The following IFT46 variants were observed in gnomAD, a reference collection of about 807,000 sequenced individuals.
IFT46 encodes the protein intraflagellar transport protein 46 homolog.
A neutral mutation model predicts 39.6 loss-of-function variants in IFT46; 19 were observed. The observed-to-expected ratio is 0.48, with a 90% CI of 0.33 to 0.70. The LOEUF is 0.70. Among genes scored for constraint, IFT46 ranks in the 30% least tolerant of loss-of-function variants. The probability of loss-of-function intolerance (pLI) is 0.01; values close to 1 mark genes in which losing one functional copy is unlikely to be tolerated. For synonymous variants in IFT46, 117 were observed against 134.8 expected (o/e 0.87, Z 0.91); for missense variants, 334 against 364.8 (o/e 0.92, Z 0.69).
At chr11:118,550,796 A>AG (rs1292504657) in intron 9 of IFT46, among the ~76,000 whole-genome samples, 2 of 152,178 alleles carry the variant, frequency 1.3e-5, no homozygotes, top group Non-Finnish European at 2.9e-5. Flanking sequence ...TGGGAGGCAG[A>AG]GGCGGGTGGA....
chr11:118,562,192 G>A (rs951214664), intron 2 of IFT46, among the ~76,000 whole-genome samples: 1 of 152,008 alleles, frequency 6.6e-6, no homozygotes, highest in Non-Finnish European at 1.5e-5. Flanking sequence ...CAGGAGAATC[G>A]CTTGAACCTG....
intron 3 of IFT46, among the ~76,000 whole-genome samples, chr11:118,559,505 A>G (rs1173718361): frequency 1.3e-5 from 2 of 152,238 alleles, no homozygotes; most frequent in Non-Finnish European, 2.9e-5. Flanking sequence ...ATATTTAAAA[A>G]TAAGTACCTC....
intron 2 of IFT46, 200 bp from the exon 3 acceptor site, chr11:118,560,064 C>T (rs927727878): frequency 3.5e-6 from 2 of 571,142 alleles, no homozygotes; most frequent in South Asian, 4.3e-5. Context: ...CATTACTGTG[C>T]TTAAGGCATT....
chr11:118,557,992 G>T, intron 3 of IFT46: 1 of 1,094,780 alleles, frequency 9.1e-7, no homozygotes, highest in Non-Finnish European at 1.3e-6. Context: ...GATTCCAGTT[G>T]TTTAAAATTA....
At chr11:118,551,980 T>A in intron 8 of IFT46, 128 bp from the exon 9 acceptor site, 2 of 1,066,536 alleles carry the variant, frequency 1.9e-6, no homozygotes, top group Non-Finnish European at 2.8e-6. Flanking sequence ...CAGGAGAACC[T>A]AGACTGGGCA....
intron 9 of IFT46, among the ~76,000 whole-genome samples, chr11:118,551,519 A>T (rs11216891): frequency 0.14 from 21,612 of 151,664 alleles, 2,064 homozygotes; most frequent in East Asian, 0.49. Context: ...ACCAAAAATT[A>T]AAAAAATGGC....
At position 118,545,807 on chromosome 11, in the gene IFT46, A is replaced by T. The variant is rs782820961; in HGVS notation, c.719T>A (p.Ile240Asn). The T allele has an allele frequency of 1.2e-6, 2 of 1,614,070 alleles. No individual in the cohort carries two copies. The highest frequency in any genetic ancestry group is 1.7e-5 in the Admixed American group (1 of 60,004). ...GAGGAACTCACCACAGATCATGTCA[A>T]TGTACTCTGCCAGGCTGCAATCAAT... is the stretch of plus-strand genomic sequence containing the variant. ...AEIDCSLAEY[I>N]DMICAILDIP... Residue 240 changes from isoleucine to asparagine, a missense_variant, in exon 10 of 12, where the codon ATT becomes AAT. By Grantham distance (149) the Ile-to-Asn change is moderately radical (BLOSUM62 -3). Coordinates refer to ENST00000264021, the MANE Select transcript of IFT46 (RefSeq NM_001168618.2).
upstream of IFT46, chr11:118,573,571 T>G: frequency 9.3e-6 from 6 of 645,366 alleles, no homozygotes; most frequent in South Asian, 9.9e-5. Flanking sequence ...TGTCCTTTAG[T>G]CTTTTGAAGG....
chr11:118,555,180 A>C (rs1937788117), intron 5 of IFT46, 68 bp downstream of exon 5: 1 of 1,546,554 alleles, frequency 6.5e-7, no homozygotes, highest in East Asian at 2.2e-5. Context: ...CCTGTTTCAG[A>C]CTAGAGATAG....
intron 2 of IFT46, chr11:118,560,088 T>C: frequency 2.0e-6 from 1 of 511,436 alleles, no homozygotes; most frequent in Non-Finnish European, 3.5e-6. Context: ...TTAGACATTA[T>C]ACTATTCAAA....
At chr11:118,560,911 C>A in intron 2 of IFT46, 1 of 899,930 alleles carries the variant, frequency 1.1e-6, no homozygotes, top group Non-Finnish European at 1.8e-6. Context: ...GGGATATAGT[C>A]TGCGCAGCAT....
Position 118,555,023 on chromosome 11 carries a change from G to T in IFT46, c.321C>A (p.Ile107=). The T allele has an allele frequency of 6.2e-7, 1 of 1,613,824 alleles. No homozygotes were observed. The highest frequency in any genetic ancestry group is 8.5e-7 in the Non-Finnish European group (1 of 1,179,738). The change falls in exon 6 of 12, where the codon ATC becomes ATA. Residue 107 remains isoleucine, a synonymous_variant. Transcript: ENST00000264021. ...ATGCATCAATATCCCCGACAGCTGG[G>T]ATAAAATCAGGAATGAAAGGCTTCA... is the stretch of plus-strand genomic sequence containing the variant. The part of the protein sequence containing the change: ...HKLKPFIPDF[I]PAVGDIDAFL...
chr11:118,569,257 C>A (rs538443925), upstream of IFT46, among the ~76,000 whole-genome samples: 1,870 of 149,368 alleles, frequency 0.013, 44 homozygotes, highest in African/African-American at 0.043. Flanking sequence ...CCAGCCCGGG[C>A]AACAAAAGCG....
At chr11:118,574,838 T>C (rs1207759670), upstream of IFT46, among the ~76,000 whole-genome samples, 1 of 152,090 alleles carries the variant, frequency 6.6e-6, no homozygotes, top group Non-Finnish European at 1.5e-5. Flanking sequence ...GCTATCATAG[T>C]GCACTGCGGC....
intron 3 of IFT46, among the ~76,000 whole-genome samples, chr11:118,559,132 T>A (rs1937944707): frequency 6.6e-6 from 1 of 151,762 alleles, no homozygotes; most frequent in African/African-American, 2.4e-5. Flanking sequence ...CCTCCCAAAG[T>A]GCTGGGATTA....
At chr11:118,558,001 T>A in intron 3 of IFT46, 1 of 1,080,686 alleles carries the variant, frequency 9.3e-7, no homozygotes, top group Non-Finnish European at 1.3e-6. Context: ...TGTTTAAAAT[T>A]AATTTGTTTT....
upstream of IFT46, among the ~76,000 whole-genome samples, chr11:118,567,502 G>A (rs1555071701): frequency 2.0e-5 from 3 of 152,164 alleles, no homozygotes. Flanking sequence ...CTTGAACCCG[G>A]GAGGTGGAGG....
chr11:118,560,794 C>T (rs1938029149), intron 2 of IFT46: 5 of 726,180 alleles, frequency 6.9e-6, no homozygotes, highest in African/African-American at 6.9e-5. Flanking sequence ...CTCAGAAATG[C>T]TTGGTGATAC....
Position 118,559,870 on chromosome 11 carries a change from A to G in IFT46, c.-35-6T>C, listed in dbSNP as rs782234058. 3.8e-6 allele frequency: 6 copies of G among 1,563,140 alleles called. No homozygotes were observed. The highest frequency in any genetic ancestry group is 1.7e-4 in the Middle Eastern group (1 of 5,978). On this transcript the variant is annotated splice_polypyrimidine_tract_variant and splice_region_variant and intron_variant, in intron 2 of 11. Coordinates refer to ENST00000264021, the MANE Select transcript of IFT46 (RefSeq NM_001168618.2). ...ATGGGCAGAACGAGGAAGTCCTTAGAAAAAAAGTTTTTCCTTTAGATTATT... is the reference window on the plus strand; with the variant it reads ...ATGGGCAGAACGAGGAAGTCCTTAGGAAAAAAGTTTTTCCTTTAGATTATT...
Sources: allele counts gnomAD v4.1 joint callset (sites outside exome capture counted in the v4.1 genomes callset), GRCh38; gene constraint gnomAD v4.1.1; transcripts MANE v1.5; gene names NCBI Gene and HGNC (gene_info 2026-07-23, HGNC 2026-07-21).